HSPA12A: variants seen among roughly 807,000 people sequenced by gnomAD.
The protein encoded by HSPA12A is heat shock protein family A (Hsp70) member 12A, also known as heat shock 70 kDa protein 12A.
A neutral mutation model predicts 69.2 loss-of-function variants in HSPA12A; 28 were observed. That is an observed-to-expected ratio of 0.40 (90% CI 0.30 to 0.55). The LOEUF (loss-of-function observed/expected upper bound fraction) is 0.55. Ranked by LOEUF, HSPA12A falls within the 20% of genes least tolerant of loss-of-function variation. The pLI is 0.38. For missense variants in HSPA12A, 686 were observed against 900.7 expected (o/e 0.76, Z 3.05); for synonymous variants, 345 against 370.5 (o/e 0.93, Z 0.79).
Position 116,723,623 on chromosome 10 carries a change from G to A in HSPA12A, c.41-16338C>T, listed in dbSNP as rs1554884669. Among the ~76,000 whole-genome samples, 2 of 152,194 alleles carry A rather than the reference G, an allele frequency of 1.3e-5. No individual in the cohort carries two copies. Among genetic ancestry groups the A allele is most frequent in the Admixed American group, 6.5e-5 (1 of 15,288 alleles). ...AAACTCCAGCACCGAGCTGGGTGAGGTTAGGTGCTCAGGAAGCATGGGGCC... is the reference window on the plus strand; with the variant it reads ...AAACTCCAGCACCGAGCTGGGTGAGATTAGGTGCTCAGGAAGCATGGGGCC... On this transcript the variant is annotated intron_variant, in intron 1 of 11. Coordinates refer to ENST00000369209, the MANE Select transcript of HSPA12A (RefSeq NM_025015.3). The surrounding 1 kb of genome is among the most constrained non-coding windows in gnomAD (Gnocchi z 4.1).
chr10:116,818,563 C>T (rs1003465269), intron 2 of HSPA12A, among the ~76,000 whole-genome samples: 2 of 152,140 alleles, frequency 1.3e-5, no homozygotes, highest in Admixed American at 6.5e-5. Flanking sequence ...CTTTTCCCTG[C>T]TCTGCTCAGC....
chr10:116,732,952 C>A (rs1276716992), intron 1 of HSPA12A, among the ~76,000 whole-genome samples: 1 of 152,128 alleles, frequency 6.6e-6, no homozygotes, highest in African/African-American at 2.4e-5. Flanking sequence ...TCAGTTTCCC[C>A]ATCTGTAAAA....
intron 1 of HSPA12A, among the ~76,000 whole-genome samples, chr10:116,734,798 C>G (rs1419017884): frequency 6.6e-6 from 1 of 151,978 alleles, no homozygotes; most frequent in Non-Finnish European, 1.5e-5. Context: ...TCGAGACCAT[C>G]CTAGCTAACA....
At chr10:116,817,620 C>A (rs1845331347) in intron 2 of HSPA12A, among the ~76,000 whole-genome samples, 1 of 152,082 alleles carries the variant, frequency 6.6e-6, no homozygotes, top group African/African-American at 2.4e-5. Context: ...GGGTGTCAGG[C>A]TGCCAATAGA....
At position 116,675,005 on chromosome 10, in the gene HSPA12A, T is replaced by A. The variant is rs1198867706; in HGVS notation, c.1804A>T (p.Ile602Phe). The change falls in exon 12 of 12, where the codon ATC (isoleucine) becomes TTC (phenylalanine). Residue 602 changes from isoleucine (I) to phenylalanine (F), a missense_variant. Ile to Phe is a conservative substitution (Grantham distance 21). Transcript: ENST00000369209. The surrounding 1 kb of genome is among the most constrained non-coding windows in gnomAD (Gnocchi z 5.2). ...ACGTTGTCGTGCTCAGAGCTGTAGA[T>A]GTTGATGACAATGACCAGCTGGGAG... ...KPSQLVIVIN[I>F]YSSEHDNVSF... 6.2e-7 allele frequency: 1 copy of A among 1,614,094 alleles called. No individual in the cohort carries two copies. The highest frequency in any genetic ancestry group is 1.7e-5 in the Admixed American group (1 of 60,026).
chr10:116,754,981 T>A (rs1843801669), intron 2 of HSPA12A, among the ~76,000 whole-genome samples: 1 of 152,054 alleles, frequency 6.6e-6, no homozygotes, highest in Non-Finnish European at 1.5e-5. Flanking sequence ...TGAAACAGAA[T>A]CTCACTCTGT....
At chr10:116,704,958 G>A (rs782024610) in intron 3 of HSPA12A, among the ~76,000 whole-genome samples, 193 bp downstream of exon 3, 4 of 152,168 alleles carry the variant, frequency 2.6e-5, no homozygotes, top group African/African-American at 4.8e-5. Context: ...TCAAACCAAC[G>A]TCTTTTCAAA....
chr10:116,845,096 C>T (rs1297774569), intron 1 of HSPA12A, among the ~76,000 whole-genome samples: 2 of 152,214 alleles, frequency 1.3e-5, no homozygotes, highest in South Asian at 2.1e-4. Flanking sequence ...CCAGGAAGCC[C>T]GTGGACTCTG....
rs115268100 is a variant in HSPA12A, at chr10:116,848,278, C to T, written c.3+1288G>A. 4.0e-3 allele frequency among the ~76,000 whole-genome samples: 606 copies of T among 152,304 alleles called. 4 individuals are homozygous for T. Among genetic ancestry groups the T allele is most frequent in the African/African-American group, 0.014 (575 of 41,556 alleles). On this transcript the variant is annotated intron_variant, in intron 1 of 12. Transcript: ENST00000635765. ...GGTCCATTACACACAGACAGTGAGA[C>T]GTTCCGTAAGAGAGCAGAGAGAACA... is the stretch of plus-strand genomic sequence containing the variant.
At chr10:116,835,899 C>T (rs977081762) in intron 1 of HSPA12A, among the ~76,000 whole-genome samples, 7 of 151,920 alleles carry the variant, frequency 4.6e-5, no homozygotes, top group African/African-American at 1.7e-4. Flanking sequence ...TGAGTAGTCA[C>T]GAGAGAGGAG....
At chr10:116,741,650 C>T (rs896672618) in intron 1 of HSPA12A, among the ~76,000 whole-genome samples, 1 of 152,156 alleles carries the variant, frequency 6.6e-6, no homozygotes, top group African/African-American at 2.4e-5. Context: ...GTCCTCTTCC[C>T]GCAACCCCCT....
chr10:116,686,037 G>A lies in HSPA12A; in HGVS notation c.664-2075C>T, dbSNP rs535796892. ...AGAGAAGCTGGGTCTGCCCTTAGGT[G>A]ACATCGGTCAACAGGGCCCTGACTC... On this transcript the variant is annotated intron_variant, in intron 6 of 11. Transcript: ENST00000369209. The surrounding 1 kb of genome is among the most constrained non-coding windows in gnomAD (Gnocchi z 4.1). 9.8e-5 allele frequency among the ~76,000 whole-genome samples: 15 copies of A among 152,322 alleles called. No individual in the cohort carries two copies. Among genetic ancestry groups the A allele is most frequent in the African/African-American group, 3.4e-4 (14 of 41,574 alleles).
chr10:116,848,691 GATTGAA>G (rs1845953735), intron 1 of HSPA12A, among the ~76,000 whole-genome samples: 3 of 152,144 alleles, frequency 2.0e-5, no homozygotes, highest in Non-Finnish European at 4.4e-5. Context: ...AGGCACTTCG[GATTGAA>G]AAGGGCAAGG....
intron 2 of HSPA12A, among the ~76,000 whole-genome samples, chr10:116,777,830 C>T (rs999926684): frequency 3.9e-5 from 6 of 152,204 alleles, no homozygotes; most frequent in African/African-American, 1.4e-4. Context: ...TGGGTTCAAG[C>T]GATTCTCCTG....
chr10:116,732,725 A>T (rs1471685313), intron 1 of HSPA12A, among the ~76,000 whole-genome samples: 2 of 152,152 alleles, frequency 1.3e-5, no homozygotes, highest in Non-Finnish European at 2.9e-5. Flanking sequence ...TTAAAATGTA[A>T]CTCCTGCTGG....
chr10:116,795,079 AG>A (rs1368844033), intron 2 of HSPA12A, among the ~76,000 whole-genome samples: 1 of 152,210 alleles, frequency 6.6e-6, no homozygotes, highest in African/African-American at 2.4e-5. Context: ...TCATCTTAGA[AG>A]GGGGATAAAT....
At chr10:116,748,414 CAG>C (rs1327337410) in intron 2 of HSPA12A, among the ~76,000 whole-genome samples, 1 of 152,196 alleles carries the variant, frequency 6.6e-6, no homozygotes, top group Non-Finnish European at 1.5e-5. Context: ...CCAAAAACCC[CAG>C]AGTTAGGAAT....
At chr10:116,790,242 T>TAA (rs1844675239) in intron 2 of HSPA12A, among the ~76,000 whole-genome samples, 1 of 151,900 alleles carries the variant, frequency 6.6e-6, no homozygotes, top group African/African-American at 2.4e-5. Flanking sequence ...TAACTGGGAC[T>TAA]ACAGGCGCCC....
upstream of HSPA12A, among the ~76,000 whole-genome samples, chr10:116,745,981 C>CA (rs1851638915): frequency 6.6e-6 from 1 of 152,172 alleles, no homozygotes; most frequent in Non-Finnish European, 1.5e-5. Flanking sequence ...TCAGGTCACC[C>CA]ACCTCCCCCT....
Sources: allele counts gnomAD v4.1 joint callset (sites outside exome capture counted in the v4.1 genomes callset), GRCh38; gene constraint gnomAD v4.1.1; non-coding constraint Gnocchi (gnomAD v3.1); transcripts MANE v1.5; gene names NCBI Gene and HGNC (gene_info 2026-07-23, HGNC 2026-07-21).